Variants in ADK observed in about 807,000 individuals in gnomAD.
ADK encodes the protein adenosine kinase, also known as N6,N6-dimethyladenosine kinase.
ADK carries 24 observed loss-of-function variants against 44.7 expected under a neutral mutation model. The ratio of observed to expected loss-of-function variants is 0.54; its 90% CI spans 0.39 to 0.76. ADK has a LOEUF of 0.76. Ranked by LOEUF, ADK falls within the 30% of genes least tolerant of loss-of-function variation. ADK has a pLI of 0.00. For synonymous variants in ADK, 128 were observed against 142.6 expected (o/e 0.90, Z 0.73); for missense variants, 321 against 425.1 (o/e 0.76, Z 2.15).
chr10:74,692,697 T>C (rs1306486964), intron 10 of ADK, among the ~76,000 whole-genome samples: 1 of 152,202 alleles, frequency 6.6e-6, no homozygotes, highest in Non-Finnish European at 1.5e-5. Context: ...ATTTTTACTG[T>C]ACCTTTTCTA....
intron 9 of ADK, among the ~76,000 whole-genome samples, chr10:74,620,632 C>A (rs1852959477): frequency 6.6e-6 from 1 of 152,000 alleles, no homozygotes; most frequent in Non-Finnish European, 1.5e-5. Context: ...GGAGAAATAC[C>A]CAATAGTGGG....
intron 7 of ADK, among the ~76,000 whole-genome samples, chr10:74,576,173 C>T (rs879350224): frequency 5.3e-5 from 8 of 151,736 alleles, no homozygotes; most frequent in South Asian, 4.2e-4. Context: ...AGATAAGCAA[C>T]AGAAAAGTGA....
At chr10:74,548,355 T>C (rs959421667) in intron 7 of ADK, among the ~76,000 whole-genome samples, 1 of 152,236 alleles carries the variant, frequency 6.6e-6, no homozygotes, top group African/African-American at 2.4e-5. Context: ...AATTAAATGT[T>C]AATCTTTTTG....
At chr10:74,573,300 G>C (rs991427257) in intron 7 of ADK, among the ~76,000 whole-genome samples, 1 of 152,190 alleles carries the variant, frequency 6.6e-6, no homozygotes, top group African/African-American at 2.4e-5. Flanking sequence ...TATCAGCAGC[G>C]GTGGCTGCAG....
At chr10:74,219,822 G>A (rs1450374130) in intron 2 of ADK, among the ~76,000 whole-genome samples, 2 of 151,354 alleles carry the variant, frequency 1.3e-5, no homozygotes, top group African/African-American at 2.4e-5. Flanking sequence ...TGAAACCAAC[G>A]AGAACAAAGA....
intron 7 of ADK, among the ~76,000 whole-genome samples, chr10:74,569,724 G>T (rs1043570447): frequency 1.3e-5 from 2 of 152,158 alleles, no homozygotes; most frequent in African/African-American, 4.8e-5. Flanking sequence ...TCTGTAGGTT[G>T]CCTGTTCACT....
intron 7 of ADK, among the ~76,000 whole-genome samples, chr10:74,580,476 G>A (rs1851335921): frequency 6.6e-6 from 1 of 151,952 alleles, no homozygotes; most frequent in South Asian, 2.1e-4. Context: ...TTGAGAGGCT[G>A]AGGCAGGAGA....
intron 4 of ADK, among the ~76,000 whole-genome samples, chr10:74,380,097 A>C (rs1171550903): frequency 6.6e-6 from 1 of 152,194 alleles, no homozygotes; most frequent in Non-Finnish European, 1.5e-5. Flanking sequence ...TTTTTTCTTC[A>C]TAGCATTTCT....
chr10:74,265,373 G>A lies in ADK; in HGVS notation c.194+40782G>A, dbSNP rs1332874477. 3.3e-5 allele frequency among the ~76,000 whole-genome samples: 5 copies of A among 151,826 alleles called. No homozygotes were observed. The East Asian group carries it at 9.7e-4, about 29-fold the overall frequency. ...TAGGACTACAGGTGCGCACCACCAC[G>A]CCCAGCTAATTGTTTTTATTTTAGT... On this transcript the variant is annotated intron_variant, in intron 3 of 10. Coordinates refer to ENST00000539909, the MANE Select transcript of ADK (RefSeq NM_006721.4).
chr10:74,512,224 A>G (rs1848361050), intron 6 of ADK, among the ~76,000 whole-genome samples: 1 of 151,958 alleles, frequency 6.6e-6, no homozygotes, highest in Non-Finnish European at 1.5e-5. Flanking sequence ...TTTTGCATGT[A>G]TGTTCATCAG....
rs146028636 is a variant in ADK, at chr10:74,432,993, G to C, written c.555+34414G>C. Among the ~76,000 whole-genome samples, 362 of 152,172 alleles carry C rather than the reference G, an allele frequency of 2.4e-3. 2 individuals are homozygous for C. Among genetic ancestry groups the C allele is most frequent in the African/African-American group, 8.3e-3 (344 of 41,506 alleles). On this transcript the variant is annotated intron_variant, in intron 6 of 10. Coordinates refer to ENST00000539909, the MANE Select transcript of ADK (RefSeq NM_006721.4). Reference sequence around the variant, plus strand: ...GAGATTTCCTTTCATGAACTGGAAGGCTTTACTTTACTAAGTGACTCAGCA... The same window carrying C: ...GAGATTTCCTTTCATGAACTGGAAGCCTTTACTTTACTAAGTGACTCAGCA...
At chr10:74,585,735 C>T (rs1038204706) in intron 7 of ADK, among the ~76,000 whole-genome samples, 1 of 152,164 alleles carries the variant, frequency 6.6e-6, no homozygotes, top group Non-Finnish European at 1.5e-5. Context: ...CTATTCTAAC[C>T]CGAGCTGTTC....
At chr10:74,213,533 AG>A (rs539247537) in intron 2 of ADK, among the ~76,000 whole-genome samples, 1,221 of 107,156 alleles carry the variant, frequency 0.011, 19 homozygotes, top group African/African-American at 0.032. Context: ...CTAAAAAAAA[AG>A]AAAGAGTAAA....
intron 10 of ADK, among the ~76,000 whole-genome samples, chr10:74,692,324 C>G (rs1472137940): frequency 6.6e-6 from 1 of 151,842 alleles, no homozygotes; most frequent in Non-Finnish European, 1.5e-5. Flanking sequence ...ACTAAAAATA[C>G]AAAAATTAGC....
At chr10:74,335,628 G>GTT (rs1841380530) in intron 4 of ADK, among the ~76,000 whole-genome samples, 1 of 152,074 alleles carries the variant, frequency 6.6e-6, no homozygotes, top group Admixed American at 6.5e-5. Flanking sequence ...CCTTTCCAAA[G>GTT]TGGCTGTGCC....
At chr10:74,576,887 G>A (rs968377766) in intron 7 of ADK, among the ~76,000 whole-genome samples, 5 of 152,080 alleles carry the variant, frequency 3.3e-5, no homozygotes, top group African/African-American at 1.2e-4. Context: ...CTCACATTCT[G>A]AAAGGAGGGT....
intron 10 of ADK, among the ~76,000 whole-genome samples, chr10:74,695,336 A>C (rs1001780419): frequency 1.3e-5 from 2 of 152,246 alleles, no homozygotes; most frequent in African/African-American, 4.8e-5. Flanking sequence ...AACCCAGCAT[A>C]TCTCTCCATT....
chr10:74,497,148 T>G (rs1847720840), intron 6 of ADK, among the ~76,000 whole-genome samples: 2 of 152,222 alleles, frequency 1.3e-5, no homozygotes, highest in African/African-American at 4.8e-5. Flanking sequence ...TTACCCTAGT[T>G]AAATTATTTC....
intron 8 of ADK, among the ~76,000 whole-genome samples, chr10:74,590,402 A>G (rs1851676821): frequency 6.6e-6 from 1 of 152,126 alleles, no homozygotes; most frequent in South Asian, 2.1e-4. Context: ...AACTCTTTTT[A>G]AATGTAGTAA....
Sources: gnomAD v4.1 joint callset for allele counts (sites outside exome capture counted in the v4.1 genomes callset) on GRCh38, gnomAD v4.1.1 for gene constraint, MANE v1.5 for transcripts, NCBI Gene and HGNC (gene_info 2026-07-23, HGNC 2026-07-21) for gene names.